Variants in PLEKHA7 observed in about 807,000 individuals in gnomAD.
PLEKHA7 encodes the protein pleckstrin homology domain containing A7, also known as pleckstrin homology domain-containing family A member 7.
Under a neutral mutation model 170.0 loss-of-function variants are expected in PLEKHA7, and 104 were observed. The ratio of observed to expected loss-of-function variants is 0.61; its 90% CI spans 0.52 to 0.72. The LOEUF is 0.72. PLEKHA7 is among the 30% of genes least tolerant of loss of function. The pLI is 0.00. For missense variants in PLEKHA7, 1,615 were observed against 1,671.7 expected, an observed-to-expected ratio of 0.97 and a Z score of 0.59; for synonymous variants, 648 against 660.8, an observed-to-expected ratio of 0.98 and a Z score of 0.30.
chr11:16,809,743 G>A (rs563404277), intron 13 of PLEKHA7, among the ~76,000 whole-genome samples: 2 of 152,314 alleles, frequency 1.3e-5, no homozygotes, highest in African/African-American at 4.8e-5. Context: ...GGCCCTTTTA[G>A]AAAAGTCTTT....
At position 16,838,274 on chromosome 11, in the gene PLEKHA7, G is replaced by A. The variant is rs576281279; in HGVS notation, c.872+3273C>T. Among the ~76,000 whole-genome samples, 7 of 152,276 alleles carry A rather than the reference G, an allele frequency of 4.6e-5. No individual in the cohort carries two copies. In the East Asian group the frequency reaches 1.2e-3, roughly 25 times the overall value. ...TGTCATCTCAGCTACTTGGGAGGCTGAGCTAGGAGGATTGCTTGAGGCAAG... is the reference window on the plus strand; with the variant it reads ...TGTCATCTCAGCTACTTGGGAGGCTAAGCTAGGAGGATTGCTTGAGGCAAG... On this transcript the variant is annotated intron_variant, in intron 9 of 26. Transcript: ENST00000531066.
chr11:16,842,596 A>AAAG, intron 8 of PLEKHA7: 1 of 144,380 alleles, frequency 6.9e-6, no homozygotes, highest in East Asian at 1.9e-4. Flanking sequence ...TATCCTTGCA[A>AAAG]AAAAAAAAAA....
chr11:16,886,920 A>G (rs547167469), intron 3 of PLEKHA7, among the ~76,000 whole-genome samples: 12 of 152,258 alleles, frequency 7.9e-5, no homozygotes, highest in African/African-American at 2.9e-4. Context: ...AAGGGTGTGT[A>G]ACAGCTTAGT....
At chr11:16,988,666 G>C (rs906025939) in intron 3 of PLEKHA7, among the ~76,000 whole-genome samples, 27 of 143,090 alleles carry the variant, frequency 1.9e-4, no homozygotes, top group Non-Finnish European at 3.5e-4. Flanking sequence ...CAGGCTGGTC[G>C]AACTCCTGAC....
At chr11:17,002,492 C>G (rs1428767752) in intron 3 of PLEKHA7, among the ~76,000 whole-genome samples, 1 of 152,020 alleles carries the variant, frequency 6.6e-6, no homozygotes, top group Non-Finnish European at 1.5e-5. Context: ...GAATTTGGAG[C>G]CAAGAAGACT....
At chr11:16,915,435 A>G (rs1011680622) in intron 3 of PLEKHA7, among the ~76,000 whole-genome samples, 1 of 152,044 alleles carries the variant, frequency 6.6e-6, no homozygotes, top group African/African-American at 2.4e-5. Context: ...ATATGTATAC[A>G]TGTGCCATGC....
chr11:16,789,131 A>G lies in PLEKHA7; in HGVS notation c.3322T>C (p.Tyr1108His), dbSNP rs1849608763. 6.2e-7 allele frequency: 1 copy of G among 1,608,554 alleles called. No individual in the cohort carries two copies. The highest frequency in any genetic ancestry group is 8.5e-7 in the Non-Finnish European group (1 of 1,179,988). ...TCTCCAGGGAGCGGCCGGCTGAGGT[A>G]GCGAGATGAGGGCAGGCCCGTCCTC... is the stretch of plus-strand genomic sequence containing the variant. ...GERTGLPSSRYLSRPLPGDLG... is the reference protein window; with the variant it reads ...GERTGLPSSRHLSRPLPGDLG... Residue 1108 changes from tyrosine to histidine, a missense_variant, in exon 23 of 27, where the codon TAC becomes CAC. Transcript: ENST00000531066. The surrounding 1 kb of genome is among the most constrained non-coding windows in gnomAD (Gnocchi z 4.6).
chr11:16,850,371 G>GGGCT (rs1482777017), intron 8 of PLEKHA7, among the ~76,000 whole-genome samples: 1 of 152,186 alleles, frequency 6.6e-6, no homozygotes, highest in Non-Finnish European at 1.5e-5. Flanking sequence ...GTGGCACCAA[G>GGGCT]GGCTGCTTGC....
intron 13 of PLEKHA7, chr11:16,807,121 A>T: frequency 1.0e-6 from 1 of 972,496 alleles, no homozygotes; most frequent in Non-Finnish European, 1.2e-6. Context: ...CCCCGCTTGG[A>T]GACACGGATC....
intron 13 of PLEKHA7, among the ~76,000 whole-genome samples, chr11:16,811,817 C>G (rs1313890153): frequency 6.6e-6 from 1 of 152,196 alleles, no homozygotes; most frequent in Non-Finnish European, 1.5e-5. Context: ...CTAGTGCCAC[C>G]TCCCCTCTGC....
intron 13 of PLEKHA7, among the ~76,000 whole-genome samples, chr11:16,804,583 C>G (rs1228795564): frequency 1.3e-5 from 2 of 152,198 alleles, no homozygotes; most frequent in African/African-American, 4.8e-5. Context: ...CACACATGCC[C>G]CACCCATTCC....
At chr11:16,835,758 C>T (rs978891953) in intron 9 of PLEKHA7, among the ~76,000 whole-genome samples, 9 of 152,088 alleles carry the variant, frequency 5.9e-5, no homozygotes, top group Non-Finnish European at 5.9e-5. Flanking sequence ...CAGGTCTATC[C>T]GATTTCAGAG....
intron 6 of PLEKHA7, among the ~76,000 whole-genome samples, chr11:16,853,322 T>C (rs978393811): frequency 4.6e-5 from 7 of 152,256 alleles, no homozygotes; most frequent in Non-Finnish European, 8.8e-5. Context: ...CTCCTCCACT[T>C]ACTAAAATGC....
Position 16,897,869 on chromosome 11 carries a change from CA to C in PLEKHA7, c.222-26688del, listed in dbSNP as rs369458877. On this transcript the variant is annotated intron_variant, in intron 3 of 26. Transcript: ENST00000531066. ...GTGCAGTTCGGTGCTGCAAGCCTCT[CA>C]GGGGACAAGGAAAATGACAAACGCT... Among the ~76,000 whole-genome samples, 1,029 of 152,262 alleles carry C rather than the reference CA, an allele frequency of 6.8e-3. 15 individuals carry two copies. The highest frequency in any genetic ancestry group is 0.024 in the African/African-American group (985 of 41,540).
intron 4 of PLEKHA7, among the ~76,000 whole-genome samples, chr11:16,868,957 A>C (rs1236111290): frequency 1.3e-5 from 2 of 152,172 alleles, no homozygotes; most frequent in Non-Finnish European, 2.9e-5. Flanking sequence ...GCTCTTATGG[A>C]AGTTGGTAAC....
intron 26 of PLEKHA7, among the ~76,000 whole-genome samples, chr11:16,782,504 T>TC (rs1010531338): frequency 7.1e-4 from 108 of 152,302 alleles, no homozygotes; most frequent in African/African-American, 2.4e-3. Flanking sequence ...GGGACCTTTT[T>TC]CCCCAGACAC....
chr11:16,816,042 CT>C (rs1849726615), intron 12 of PLEKHA7, 135 bp downstream of exon 12: 1 of 728,626 alleles, frequency 1.4e-6, no homozygotes, highest in Non-Finnish European at 2.3e-6. Context: ...AGTCATTCAA[CT>C]TCTCTGAGCC....
chr11:16,905,527 T>G (rs759979192), intron 3 of PLEKHA7, among the ~76,000 whole-genome samples: 1 of 152,174 alleles, frequency 6.6e-6, no homozygotes, highest in African/African-American at 2.4e-5. Context: ...CCAAGCTGAC[T>G]TCTTTGCAGC....
chr11:16,826,638 T>C (rs1300811326), intron 9 of PLEKHA7, 48 bp from the exon 10 acceptor site: 3 of 1,511,962 alleles, frequency 2.0e-6, no homozygotes, highest in Admixed American at 1.7e-5. Context: ...CAAGACTCCA[T>C]GATGAAATGC....
Sources: allele counts gnomAD v4.1 joint callset (sites outside exome capture counted in the v4.1 genomes callset), GRCh38; gene constraint gnomAD v4.1.1; non-coding constraint Gnocchi (gnomAD v3.1); transcripts MANE v1.5; gene names NCBI Gene and HGNC (gene_info 2026-07-23, HGNC 2026-07-21).